The following PIK3IP1 variants were observed in gnomAD, a reference collection of about 807,000 sequenced individuals.
PIK3IP1 encodes the protein phosphoinositide-3-kinase-interacting protein 1.
A neutral mutation model predicts 30.7 loss-of-function variants in PIK3IP1; 28 were observed. The observed-to-expected ratio is 0.91, with a 90% CI of 0.68 to 1.25. The LOEUF (loss-of-function observed/expected upper bound fraction) is 1.25. PIK3IP1 is among the 50% of genes most tolerant of loss of function. The pLI is 0.00. For missense variants in PIK3IP1, 333 were observed against 346.2 expected (o/e 0.96, Z 0.30); for synonymous variants, 159 against 140.8 (o/e 1.13, Z -0.91).
intron 5 of PIK3IP1, among the ~76,000 whole-genome samples, chr22:31,283,682 C>G (rs113491936): frequency 0.018 from 2,754 of 152,020 alleles, 86 homozygotes; most frequent in African/African-American, 0.061. Context: ...CCTCCCACCC[C>G]CCAAAGTACT....
Position 31,282,883 on chromosome 22 carries a change from A to G in PIK3IP1, c.*201T>C, listed in dbSNP as rs2049100058. ...ACAAAATCTGCTCCAAGGGATGGACAAGGAGCACTGTTAGGACCCTACCCA... is the reference window on the plus strand; with the variant it reads ...ACAAAATCTGCTCCAAGGGATGGACGAGGAGCACTGTTAGGACCCTACCCA... On this transcript the variant is annotated 3_prime_UTR_variant, in exon 6 of 6. Transcript: ENST00000215912. The G allele has an allele frequency of 3.6e-6, 2 of 559,516 alleles. No homozygotes were observed. Among genetic ancestry groups the G allele is most frequent in the Non-Finnish European group, 3.2e-6 (1 of 312,630 alleles). 34.7% of individuals were successfully genotyped at this position (559,516 alleles called of 1,614,324 possible).
At chr22:31,288,444 G>A (rs111245950) in intron 5 of PIK3IP1, among the ~76,000 whole-genome samples, 40 of 60,042 alleles carry the variant, frequency 6.7e-4, no homozygotes, top group Middle Eastern at 0.018. Context: ...GGGAGGAAAG[G>A]AAGGAAAAAT....
rs752125849 is a variant in PIK3IP1 at position 31,283,095 on chromosome 22, G to C, written c.781C>G (p.Pro261Ala). 1.9e-6 allele frequency: 3 copies of C among 1,598,408 alleles called. No individual in the cohort carries two copies. Among genetic ancestry groups the C allele is most frequent in the Non-Finnish European group, 2.6e-6 (3 of 1,172,544 alleles). ...TTPLMGQAGT[P>A]GA ...CCCACTGGGGGGGCTCAGGCCCCAG[G>C]AGTCCCGGCCTGGCCCATAAGGGGG... The change falls in exon 6 of 6, where the codon CCT becomes GCT. Residue 261 changes from proline to alanine, a missense_variant. This residue lies in a region of PIK3IP1 where 217 missense variants were observed against 227.7 expected (regional missense o/e 0.95). Transcript: ENST00000215912.
In PIK3IP1 at chr22:31,291,008, G is replaced by A. The variant is rs114258737; in HGVS notation, c.264C>T (p.Ala88=). The A allele has an allele frequency of 7.1e-4, 1,130 of 1,598,230 alleles. 6 individuals are homozygous for A. The African/African-American group carries it at 0.014, about 20-fold the overall frequency. The change falls in exon 3 of 6, where the codon GCC becomes GCT. Residue 88 remains alanine, a synonymous_variant. Transcript: ENST00000215912. ...RGPWCYVSGE[A]GVPEKRPCED... is the part of the protein sequence containing the mutation. The stretch of plus-strand genomic sequence containing the variant: ...CGCAAGGCCGTTTCTCAGGGACGCC[G>A]GCCTCGCCACTGACGTAGCACCAGG...
At chr22:31,287,937 C>T (rs1490036370) in intron 5 of PIK3IP1, among the ~76,000 whole-genome samples, 1 of 152,114 alleles carries the variant, frequency 6.6e-6, no homozygotes, top group Non-Finnish European at 1.5e-5. Flanking sequence ...CAGTGTCTGG[C>T]ATACGGTACA....
chr22:31,292,348 T>A lies in PIK3IP1; in HGVS notation c.-4A>T. 1 of 1,614,080 alleles carries A rather than the reference T, an allele frequency of 6.2e-7. No individual in the cohort carries two copies. Among genetic ancestry groups the A allele is most frequent in the African/African-American group, 1.3e-5 (1 of 75,058 alleles). ...CTTGTACCCAGGCCAACAGCATCCT[T>A]GCCTCCTTCGTCTTGCAGGTGATTG... is the stretch of plus-strand genomic sequence containing the variant. On this transcript the variant is annotated 5_prime_UTR_variant, in exon 1 of 6. Transcript: ENST00000215912.
chr22:31,290,828 G>T (rs1042964678), intron 3 of PIK3IP1, 137 bp downstream of exon 3: 18 of 1,287,022 alleles, frequency 1.4e-5, no homozygotes, highest in Non-Finnish European at 1.7e-5. Context: ...GCGGCCTGGA[G>T]ACAGCCCTGG....
At position 31,291,208 on chromosome 22, in the gene PIK3IP1, C is replaced by G. The variant is rs565773131; in HGVS notation, c.159G>C (p.Gln53His). 1 of 1,549,300 alleles carries G rather than the reference C, an allele frequency of 6.5e-7. No homozygotes were observed. The highest frequency in any genetic ancestry group is 8.7e-7 in the Non-Finnish European group (1 of 1,146,484). The stretch of plus-strand genomic sequence containing the variant: ...ACACGGGGGCCGAGGCCAGCCCGCT[C>G]TGCGCGTCCAGCCAGTTGAGGCAGC... ...GLRCLNWLDA[Q>H]SGLASAPVSG... The change falls in exon 2 of 6, where the codon CAG (glutamine) becomes CAC (histidine). Residue 53 changes from glutamine to histidine, a missense_variant. By Grantham distance (24) the Gln-to-His change is conservative. This residue lies in a region of PIK3IP1 where 111 missense variants were observed against 100.1 expected (regional missense o/e 1.11). Coordinates refer to ENST00000215912, the MANE Select transcript of PIK3IP1 (RefSeq NM_052880.5).
rs1317880677 is a variant in PIK3IP1 at position 31,291,054 on chromosome 22, G to A, written c.218C>T (p.Pro73Leu). The A allele has an allele frequency of 3.2e-6, 5 of 1,565,058 alleles. No homozygotes were observed. Among genetic ancestry groups the A allele is most frequent in the Middle Eastern group, 1.7e-4 (1 of 5,990 alleles). Reference protein sequence around the residue: ...GAGNHSYCRNPDEDPRGPWCY... With the variant: ...GAGNHSYCRNLDEDPRGPWCY... Reference sequence around the variant, plus strand: ...CCAGGGCCCGCGCGGGTCCTCGTCCGGGTTTCGGCAGTAACTGTGATTGCC... The same window carrying A: ...CCAGGGCCCGCGCGGGTCCTCGTCCAGGTTTCGGCAGTAACTGTGATTGCC... The change falls in exon 3 of 6, where the codon CCG becomes CTG. Residue 73 changes from proline (P) to leucine (L), a missense_variant. Pro to Leu is a moderately conservative substitution (Grantham distance 98, BLOSUM62 -3). Transcript: ENST00000215912.
Position 31,283,239 on chromosome 22 carries a change from T to C in PIK3IP1, c.637A>G (p.Met213Val), listed in dbSNP as rs200710243. 1.9e-6 allele frequency: 3 copies of C among 1,614,072 alleles called. No individual in the cohort carries two copies. In the African/African-American group the frequency reaches 4.0e-5, roughly 22 times the overall value. ...GACAAGGGCAGAGTGATTCGCTGCA[T>C]CTCCCTCTCACATACTTTCTGATCA... ...QHDQKVCERE[M>V]QRITLPLSAF... Residue 213 changes from methionine to valine, a missense_variant, in exon 6 of 6, where the codon ATG becomes GTG. Met to Val is a conservative substitution (Grantham distance 21). Coordinates refer to ENST00000215912, the MANE Select transcript of PIK3IP1 (RefSeq NM_052880.5).
intron 3 of PIK3IP1, 131 bp downstream of exon 3, chr22:31,290,834 C>A (rs946003376): frequency 2.2e-6 from 3 of 1,336,128 alleles, no homozygotes; most frequent in Non-Finnish European, 2.9e-6. Flanking sequence ...TGGAGACAGC[C>A]CTGGCCAATC....
rs2049094072 is a variant in PIK3IP1, at chr22:31,282,086, G to A, written c.*998C>T. The A allele has an allele frequency of 6.6e-6, 1 of 152,214 alleles. No individual in the cohort carries two copies. Among genetic ancestry groups the A allele is most frequent in the South Asian group, 2.1e-4 (1 of 4,836 alleles). The allele number at this position is 152,214 out of a possible 1,614,324, so 9.4% of individuals were successfully genotyped here. On this transcript the variant is annotated 3_prime_UTR_variant, in exon 6 of 6. Coordinates refer to ENST00000215912, the MANE Select transcript of PIK3IP1 (RefSeq NM_052880.5). ...GGTTCTTTGATTGCTTTATGAGTTA[G>A]GGGCTGTGACCCTAGCCCCAGTGCC... is the stretch of plus-strand genomic sequence containing the variant.
rs1179092296 is a variant in PIK3IP1, at chr22:31,291,304, G to A, written c.71-8C>T. On this transcript the variant is annotated splice_polypyrimidine_tract_variant and splice_region_variant and intron_variant, in intron 1 of 5. Coordinates refer to ENST00000215912, the MANE Select transcript of PIK3IP1 (RefSeq NM_052880.5). ...CGTTGTCCCAGAAACAGCCTGTGAGGAAAAGAAGCCCCCGGACACAGAATA... is the reference window on the plus strand; with the variant it reads ...CGTTGTCCCAGAAACAGCCTGTGAGAAAAAGAAGCCCCCGGACACAGAATA... 3.9e-6 allele frequency: 6 copies of A among 1,555,762 alleles called. No homozygotes were observed. The highest frequency in any genetic ancestry group is 4.3e-6 in the Non-Finnish European group (5 of 1,150,212).
rs775839615 is a variant in PIK3IP1, at chr22:31,283,067, C to T, written c.*17G>A. ...CCTGCACCAGTGTCTGCATGGGCTC[C>T]TGCCCACTGGGGGGGCTCAGGCCCC... is the stretch of plus-strand genomic sequence containing the variant. On this transcript the variant is annotated 3_prime_UTR_variant, in exon 6 of 6. Transcript: ENST00000215912. The T allele has an allele frequency of 1.3e-6, 2 of 1,569,232 alleles. No homozygotes were observed. The highest frequency in any genetic ancestry group is 4.6e-5 in the East Asian group (2 of 43,502).
In PIK3IP1 at chr22:31,292,219, GC is replaced by G. The variant is rs2049185959; in HGVS notation, c.70+55del. On this transcript the variant is annotated intron_variant, in intron 1 of 5. Coordinates refer to ENST00000215912, the MANE Select transcript of PIK3IP1 (RefSeq NM_052880.5). ...CCTGGCCCTGTTTGGGAAATAGGGGGCTTTACCCCTTCTGTTTCATGAAGTT... is the reference window on the plus strand; with the variant it reads ...CCTGGCCCTGTTTGGGAAATAGGGGGTTTACCCCTTCTGTTTCATGAAGTT... 12 of 1,545,540 alleles carry G rather than the reference GC, an allele frequency of 7.8e-6. No individual in the cohort carries two copies. The East Asian group carries it at 2.7e-4, about 35-fold the overall frequency.
At chr22:31,289,112 C>A in intron 5 of PIK3IP1, 1 of 605,862 alleles carries the variant, frequency 1.7e-6, no homozygotes, top group South Asian at 2.1e-5. Context: ...CAAGAACATC[C>A]CTCACAAGGC....
intron 5 of PIK3IP1, among the ~76,000 whole-genome samples, chr22:31,287,551 C>T (rs937612805): frequency 2.0e-5 from 3 of 149,680 alleles, no homozygotes; most frequent in Non-Finnish European, 4.4e-5. Flanking sequence ...AGGCTGGTCT[C>T]GAACTCCTGA....
intron 5 of PIK3IP1, among the ~76,000 whole-genome samples, chr22:31,288,016 C>T (rs2049144693): frequency 1.3e-5 from 2 of 152,138 alleles, no homozygotes; most frequent in Non-Finnish European, 2.9e-5. Context: ...AGGTTGACTA[C>T]AAGGCCTTTA....
intron 5 of PIK3IP1, among the ~76,000 whole-genome samples, chr22:31,283,723 C>T (rs918678776): frequency 6.6e-6 from 1 of 151,940 alleles, no homozygotes; most frequent in Admixed American, 6.6e-5. Context: ...CTGCACCTGG[C>T]CAGATAGAGA....
Sources: allele counts gnomAD v4.1 joint callset (sites outside exome capture counted in the v4.1 genomes callset), GRCh38; gene constraint gnomAD v4.1.1; regional missense constraint gnomAD v4.1.1; transcripts MANE v1.5; gene names NCBI Gene and HGNC (gene_info 2026-07-23, HGNC 2026-07-21).